Variants in ZDHHC23 observed in about 807,000 individuals in gnomAD.
The protein encoded by ZDHHC23 is zDHHC palmitoyltransferase 23, also known as palmitoyltransferase ZDHHC23.
Under a neutral mutation model 40.2 loss-of-function variants are expected in ZDHHC23, and 41 were observed. The ratio of observed to expected loss-of-function variants is 1.02; its 90% CI spans 0.79 to 1.32. ZDHHC23 has a LOEUF of 1.32. ZDHHC23 is among the 40% of genes most tolerant of loss of function. ZDHHC23 has a pLI of 0.00. For missense variants in ZDHHC23, 471 were observed against 541.5 expected, an observed-to-expected ratio of 0.87 and a Z score of 1.29; for synonymous variants, 204 against 210.2, an observed-to-expected ratio of 0.97 and a Z score of 0.26.
chr3:113,963,934 G>GTT (rs67934523), downstream of ZDHHC23, among the ~76,000 whole-genome samples: 2 of 145,142 alleles, frequency 1.4e-5, no homozygotes, highest in Admixed American at 6.8e-5. Flanking sequence ...AAAAACACAG[G>GTT]TTTTTTTTTT....
At chr3:113,966,592 A>C (rs1052781225), downstream of ZDHHC23, among the ~76,000 whole-genome samples, 2 of 152,198 alleles carry the variant, frequency 1.3e-5, no homozygotes, top group East Asian at 3.8e-4. Flanking sequence ...AAGCGAGAAT[A>C]GCATGCCGTG....
At chr3:113,957,987 A>G in intron 4 of ZDHHC23, 1 of 365,264 alleles carries the variant, frequency 2.7e-6, no homozygotes, top group Non-Finnish European at 5.4e-6. Flanking sequence ...AGACATTTAT[A>G]GCAGTCCCTT....
At chr3:113,970,612 C>T in the ZDHHC23 span, among the ~76,000 whole-genome samples, 2 of 152,110 alleles carry the variant, frequency 1.3e-5, no homozygotes, top group Admixed American at 6.6e-5. Flanking sequence ...TACATGTGCA[C>T]AACATGCAGG....
chr3:113,972,813 T>C, the ZDHHC23 span, among the ~76,000 whole-genome samples: 1 of 152,162 alleles, frequency 6.6e-6, no homozygotes, highest in Non-Finnish European at 1.5e-5. Flanking sequence ...TATAATGACC[T>C]TTCTTTATTT....
the ZDHHC23 span, among the ~76,000 whole-genome samples, chr3:113,975,287 A>G: frequency 3.3e-5 from 5 of 152,206 alleles, no homozygotes; most frequent in African/African-American, 1.2e-4. Context: ...ATCTTTCTCG[A>G]TGTTATTGCA....
At chr3:113,967,366 C>T (rs951242281), downstream of ZDHHC23, among the ~76,000 whole-genome samples, 2 of 148,830 alleles carry the variant, frequency 1.3e-5, no homozygotes, top group Non-Finnish European at 1.5e-5. Flanking sequence ...CTAGATCATC[C>T]TTGCCTACAT....
At chr3:113,970,336 AT>A (rs907721310), downstream of ZDHHC23, among the ~76,000 whole-genome samples, 8 of 151,580 alleles carry the variant, frequency 5.3e-5, no homozygotes, top group Admixed American at 4.6e-4. Context: ...ATTTGGATAC[AT>A]TTTTTTTAAA....
At position 113,954,146 on chromosome 3, in the gene ZDHHC23, G is replaced by T. The variant is rs561391469; in HGVS notation, c.608G>T (p.Arg203Ile). The T allele has an allele frequency of 1.9e-6, 3 of 1,614,218 alleles. No individual in the cohort carries two copies. In the African/African-American group the frequency reaches 4.0e-5, roughly 22 times the overall value. Residue 203 changes from arginine to isoleucine, a missense_variant, in exon 3 of 5, where the codon AGA becomes ATA. Transcript: ENST00000638807. ...CTCAGCAATCCAGCAAGCGGTGACA[G>T]ATCTCTAAGCAGCAGCCAGCTGGAG... ...GYLSNPASGDRSLSSSQLECL... is the reference protein window; with the variant it reads ...GYLSNPASGDISLSSSQLECL...
the ZDHHC23 span, among the ~76,000 whole-genome samples, chr3:113,972,552 C>T: frequency 6.6e-6 from 1 of 152,130 alleles, no homozygotes; most frequent in Non-Finnish European, 1.5e-5. Context: ...TATTCTTCAA[C>T]AGCTGGATAA....
chr3:113,948,846 C>T lies in ZDHHC23; in HGVS notation c.44C>T (p.Thr15Ile). 1 of 1,614,126 alleles carries T rather than the reference C, an allele frequency of 6.2e-7. No individual in the cohort carries two copies. Among genetic ancestry groups the T allele is most frequent in the Non-Finnish European group, 8.5e-7 (1 of 1,180,028 alleles). ...GSMKPVKKKK[T>I]EEPELEPLCC... is the part of the protein sequence containing the mutation. ...ATGAAGCCTGTGAAGAAAAAGAAAACCGAAGAACCTGAATTGGAGCCCCTG... is the reference window on the plus strand; with the variant it reads ...ATGAAGCCTGTGAAGAAAAAGAAAATCGAAGAACCTGAATTGGAGCCCCTG... Residue 15 changes from threonine (T) to isoleucine (I), a missense_variant, in exon 2 of 5, where the codon ACC (threonine) becomes ATC (isoleucine). Transcript: ENST00000638807.
chr3:113,979,091 C>CTA, the ZDHHC23 span: 1 of 1,306,854 alleles, frequency 7.7e-7, no homozygotes, highest in Non-Finnish European at 1.1e-6. Context: ...GGAAATGATG[C>CTA]TATAAAACAC....
chr3:113,968,791 A>G (rs890211326), downstream of ZDHHC23, among the ~76,000 whole-genome samples: 1 of 151,082 alleles, frequency 6.6e-6, no homozygotes, highest in Non-Finnish European at 1.5e-5. Flanking sequence ...TTTTTTTGCT[A>G]TTGTTTGAGT....
intron 3 of ZDHHC23, 77 bp from the exon 4 acceptor site, chr3:113,956,262 T>G: frequency 6.8e-7 from 1 of 1,467,834 alleles, no homozygotes; most frequent in Non-Finnish European, 9.3e-7. Context: ...AAATAAAGCT[T>G]TCATGTTTAT....
At chr3:113,979,102 A>G in the ZDHHC23 span, 1 of 1,176,076 alleles carries the variant, frequency 8.5e-7, no homozygotes, top group Non-Finnish European at 1.2e-6. Context: ...TATAAAACAC[A>G]TTTAGGCAGT....
chr3:113,974,547 TCAC>T, the ZDHHC23 span, among the ~76,000 whole-genome samples: 17,077 of 152,146 alleles, frequency 0.11, 1,154 homozygotes, highest in Admixed American at 0.18. Flanking sequence ...GTCGAATTCC[TCAC>T]CTCAGGTGAT....
At chr3:113,969,839 G>C (rs2092845975), downstream of ZDHHC23, among the ~76,000 whole-genome samples, 1 of 152,118 alleles carries the variant, frequency 6.6e-6, no homozygotes, top group African/African-American at 2.4e-5. Flanking sequence ...AGGGTCTTCT[G>C]TGGTTTCATA....
rs1337339492 is a variant in ZDHHC23, at chr3:113,962,870, TCAGA to T, written c.*4243_*4246del. The stretch of plus-strand genomic sequence containing the variant: ...TTCATATCCTCTTATCACCTCAGAC[TCAGA>T]CACAAGGCCTTTTACATGGAAATTT... On this transcript the variant is annotated 3_prime_UTR_variant, in exon 5 of 5. Transcript: ENST00000638807. 6.6e-6 allele frequency: 1 copy of T among 152,234 alleles called. No individual in the cohort carries two copies. The highest frequency in any genetic ancestry group is 1.5e-5 in the Non-Finnish European group (1 of 68,042). 9.4% of individuals were successfully genotyped at this position (152,234 alleles called of 1,614,324 possible).
rs770937349 is a variant in ZDHHC23, at chr3:113,956,293, C to G, written c.873-46C>G. ...TTTATTATGTAAGTTATATCAAGAACTCTTAAAAATGTGTTTGCTTTTTTA... is the reference window on the plus strand; with the variant it reads ...TTTATTATGTAAGTTATATCAAGAAGTCTTAAAAATGTGTTTGCTTTTTTA... On this transcript the variant is annotated intron_variant, in intron 3 of 4. Coordinates refer to ENST00000638807, the MANE Select transcript of ZDHHC23 (RefSeq NM_001320466.2). 3.8e-6 allele frequency: 6 copies of G among 1,570,452 alleles called. No individual in the cohort carries two copies. In the Admixed American group the frequency reaches 1.1e-4, roughly 29 times the overall value.
downstream of ZDHHC23, chr3:113,965,132 C>A (rs1939980673): frequency 2.0e-6 from 3 of 1,521,872 alleles, no homozygotes; most frequent in East Asian, 4.6e-5. Context: ...AGCTTCCTGT[C>A]CTAAATATTA....
Sources: allele counts gnomAD v4.1 joint callset (sites outside exome capture counted in the v4.1 genomes callset), GRCh38; gene constraint gnomAD v4.1.1; transcripts MANE v1.5; gene names NCBI Gene and HGNC (gene_info 2026-07-23, HGNC 2026-07-21).